The following CSMD1 variants were observed in gnomAD, a reference collection of about 807,000 sequenced individuals.
CSMD1 encodes CUB and Sushi multiple domains 1, also known as CUB and sushi domain-containing protein 1.
CSMD1 carries 213 observed loss-of-function variants against 417.5 expected under a neutral mutation model. That is an observed-to-expected ratio of 0.51 (90% CI 0.46 to 0.57). The LOEUF (loss-of-function observed/expected upper bound fraction) is 0.57. Among genes scored for constraint, CSMD1 ranks in the 20% least tolerant of loss-of-function variants. The probability of loss-of-function intolerance (pLI) is 0.00; values close to 1 mark genes in which losing one functional copy is unlikely to be tolerated. For synonymous variants in CSMD1, 2,862 were observed against 1,736.8 expected, an observed-to-expected ratio of 1.65 and a Z score of -16.11; for missense variants, 6,923 against 4,529.7, an observed-to-expected ratio of 1.53 and a Z score of -15.17.
chr8:4,823,065 T>A (rs1799610073), intron 1 of CSMD1, among the ~76,000 whole-genome samples: 1 of 152,126 alleles, frequency 6.6e-6, no homozygotes, highest in African/African-American at 2.4e-5. Flanking sequence ...TGCCACTCTG[T>A]CCACTAAATT....
chr8:4,641,678 G>A (rs1236145134), intron 1 of CSMD1, among the ~76,000 whole-genome samples: 1 of 152,086 alleles, frequency 6.6e-6, no homozygotes, highest in East Asian at 1.9e-4. Flanking sequence ...AACACAGCAG[G>A]CAACCCAGTG....
intron 3 of CSMD1, among the ~76,000 whole-genome samples, chr8:4,234,975 G>T (rs769238808): frequency 1.3e-5 from 2 of 152,138 alleles, no homozygotes; most frequent in African/African-American, 2.4e-5. Context: ...TGACCTCATG[G>T]AATCTCAATT....
At chr8:3,634,113 G>A (rs1200880819) in intron 7 of CSMD1, among the ~76,000 whole-genome samples, 1 of 152,192 alleles carries the variant, frequency 6.6e-6, no homozygotes, top group Non-Finnish European at 1.5e-5. Flanking sequence ...TAGAAGTTTG[G>A]TTCTTGACCT....
In CSMD1 at chr8:4,339,158, A is replaced by G. The variant is rs1800337845; in HGVS notation, c.415+80795T>C. Among the ~76,000 whole-genome samples, 5 of 152,102 alleles carry G rather than the reference A, an allele frequency of 3.3e-5. No homozygotes were observed. In the South Asian group the frequency reaches 1.0e-3, roughly 32 times the overall value. Reference sequence around the variant, plus strand: ...ACTACAAATGCTATCAGCTATGAAAATAAATTCTTGAGCCAGGCTTTATCT... The same window carrying G: ...ACTACAAATGCTATCAGCTATGAAAGTAAATTCTTGAGCCAGGCTTTATCT... On this transcript the variant is annotated intron_variant, in intron 3 of 69. Coordinates refer to ENST00000635120, the MANE Select transcript of CSMD1 (RefSeq NM_033225.6).
intron 3 of CSMD1, among the ~76,000 whole-genome samples, chr8:4,299,636 C>G (rs1374261566): frequency 2.0e-5 from 3 of 152,078 alleles, no homozygotes; most frequent in Non-Finnish European, 4.4e-5. Flanking sequence ...CATACACTAT[C>G]TTTCTTTTCT....
At chr8:3,431,097 C>A (rs1178031505) in intron 12 of CSMD1, among the ~76,000 whole-genome samples, 3 of 152,062 alleles carry the variant, frequency 2.0e-5, no homozygotes, top group African/African-American at 7.2e-5. Flanking sequence ...CTGTTCTAGA[C>A]AGTAAGGAGC....
intron 7 of CSMD1, among the ~76,000 whole-genome samples, chr8:3,673,404 T>G (rs190948865): frequency 6.6e-6 from 1 of 152,216 alleles, no homozygotes; most frequent in African/African-American, 2.4e-5. Context: ...ATGAAAGTAT[T>G]TGAAGACGTA....
intron 6 of CSMD1, among the ~76,000 whole-genome samples, chr8:3,714,018 C>G (rs546629862): frequency 2.3e-5 from 2 of 87,150 alleles, no homozygotes; most frequent in African/African-American, 7.9e-5. Flanking sequence ...TGCAAGGGCT[C>G]ACTATGCAGA....
chr8:3,947,821 G>A (rs541161071), intron 5 of CSMD1, among the ~76,000 whole-genome samples: 3 of 152,266 alleles, frequency 2.0e-5, no homozygotes, highest in African/African-American at 7.2e-5. Context: ...TATGGTTCAA[G>A]TAGGTCACAT....
chr8:3,142,273 T>C (rs992547919), intron 41 of CSMD1, among the ~76,000 whole-genome samples, 192 bp downstream of exon 41: 1 of 152,182 alleles, frequency 6.6e-6, no homozygotes, highest in African/African-American at 2.4e-5. Flanking sequence ...CCACTGGTGG[T>C]TCCGTCTGTG....
chr8:4,973,030 A>T (rs1452459008), intron 1 of CSMD1, among the ~76,000 whole-genome samples: 1 of 152,178 alleles, frequency 6.6e-6, no homozygotes, highest in African/African-American at 2.4e-5. Flanking sequence ...ATATTTTAAA[A>T]GATGTAGTAA....
At chr8:4,980,146 T>A (rs778857787) in intron 1 of CSMD1, among the ~76,000 whole-genome samples, 1 of 152,250 alleles carries the variant, frequency 6.6e-6, no homozygotes, top group African/African-American at 2.4e-5. Context: ...AATAAAACCC[T>A]GTAACACGCA....
At chr8:2,970,289 T>G (rs916924007) in intron 57 of CSMD1, among the ~76,000 whole-genome samples, 2 of 152,204 alleles carry the variant, frequency 1.3e-5, no homozygotes, top group African/African-American at 4.8e-5. Flanking sequence ...GTTCATCTTT[T>G]AAGTTTTCAA....
chr8:3,915,450 G>A (rs1035216774), intron 5 of CSMD1, among the ~76,000 whole-genome samples: 1 of 150,050 alleles, frequency 6.7e-6, no homozygotes, highest in African/African-American at 2.5e-5. Flanking sequence ...AGTAGGTTCG[G>A]AAGATCACTT....
intron 1 of CSMD1, among the ~76,000 whole-genome samples, chr8:4,904,107 T>G (rs531141351): frequency 1.3e-5 from 2 of 152,282 alleles, no homozygotes; most frequent in Admixed American, 6.5e-5. Context: ...TAGGCTCGAA[T>G]TCCAATGTAT....
chr8:4,318,168 T>G (rs1031299673), intron 3 of CSMD1, among the ~76,000 whole-genome samples: 9 of 152,120 alleles, frequency 5.9e-5, no homozygotes, highest in Admixed American at 1.3e-4. Context: ...ATTCTAATAT[T>G]GTTACTATCC....
chr8:4,111,189 GT>G (rs1801836357), intron 3 of CSMD1, among the ~76,000 whole-genome samples: 1 of 152,024 alleles, frequency 6.6e-6, no homozygotes, highest in Non-Finnish European at 1.5e-5. Context: ...CAATATTTTT[GT>G]TGATATTTGT....
chr8:4,187,690 A>AAAAG (rs1798766978), intron 3 of CSMD1, among the ~76,000 whole-genome samples: 1 of 151,622 alleles, frequency 6.6e-6, no homozygotes, highest in Non-Finnish European at 1.5e-5. Context: ...AAAAAAAAAA[A>AAAAG]AAAAGCATTC....
chr8:4,703,268 G>A (rs993171329), intron 1 of CSMD1, among the ~76,000 whole-genome samples: 2 of 152,128 alleles, frequency 1.3e-5, no homozygotes, highest in Non-Finnish European at 2.9e-5. Flanking sequence ...GGAAGTGTGT[G>A]GAAAAATTAG....
Sources: gnomAD v4.1 joint callset for allele counts (sites outside exome capture counted in the v4.1 genomes callset) on GRCh38, gnomAD v4.1.1 for gene constraint, MANE v1.5 for transcripts, NCBI Gene and HGNC (gene_info 2026-07-23, HGNC 2026-07-21) for gene names.